Variants in TRMT11 observed in about 807,000 individuals in gnomAD.
TRMT11 encodes the protein tRNA methyltransferase 11, also known as tRNA (guanine(10)-N(2))-methyltransferase TRMT11.
Under a neutral mutation model 62.8 loss-of-function variants are expected in TRMT11, and 53 were observed. The ratio of observed to expected loss-of-function variants is 0.84; its 90% confidence interval spans 0.68 to 1.06. The LOEUF is 1.06. Ranked by LOEUF, TRMT11 falls within the 50% of genes least tolerant of loss-of-function variation. The probability of loss-of-function intolerance (pLI) is 0.00; values close to 1 mark genes in which losing one functional copy is unlikely to be tolerated. For synonymous variants in TRMT11, 188 were observed against 190.3 expected, an observed-to-expected ratio of 0.99 and a Z score of 0.10; for missense variants, 556 against 553.4, an observed-to-expected ratio of 1.00 and a Z score of -0.05.
the TRMT11 span, among the ~76,000 whole-genome samples, chr6:126,250,345 G>C: frequency 0.013 from 2,011 of 152,216 alleles, 18 homozygotes; most frequent in Non-Finnish European, 0.022. Context: ...ATGAATATAA[G>C]CTAATTTAAA....
intron 1 of TRMT11, among the ~76,000 whole-genome samples, chr6:126,179,244 T>C (rs753745929): frequency 1.2e-3 from 180 of 152,222 alleles, no homozygotes; most frequent in Non-Finnish European, 2.1e-3. Flanking sequence ...TTACTGCTTA[T>C]CTATTCACTC....
intron 21 of TRMT11, among the ~76,000 whole-genome samples, chr6:126,132,018 G>A (rs951970890): frequency 6.6e-6 from 1 of 152,018 alleles, no homozygotes; most frequent in African/African-American, 2.4e-5. Flanking sequence ...GGGAGAGAGT[G>A]CCAATGCATA....
chr6:126,106,061 G>T (rs992586815), intron 17 of TRMT11, among the ~76,000 whole-genome samples: 3 of 152,126 alleles, frequency 2.0e-5, no homozygotes, highest in Non-Finnish European at 2.9e-5. Context: ...CCATAATTGG[G>T]ATCTTGGTGT....
chr6:126,240,787 G>C, the TRMT11 span, among the ~76,000 whole-genome samples: 1 of 152,222 alleles, frequency 6.6e-6, no homozygotes, highest in Non-Finnish European at 1.5e-5. Flanking sequence ...CTTTTGTTTG[G>C]CTATGCCCTG....
intron 3 of TRMT11, among the ~76,000 whole-genome samples, chr6:125,996,572 C>A (rs1791553293): frequency 6.6e-6 from 1 of 152,024 alleles, no homozygotes; most frequent in African/African-American, 2.4e-5. Context: ...TCATTGGCAT[C>A]CACTTTTTTT....
At chr6:126,078,453 A>G (rs2128152687) in intron 17 of TRMT11, among the ~76,000 whole-genome samples, 2 of 141,882 alleles carry the variant, frequency 1.4e-5, no homozygotes, top group Middle Eastern at 7.2e-3. Flanking sequence ...TCCTGATTTC[A>G]TTTTGTTATT....
intron 17 of TRMT11, among the ~76,000 whole-genome samples, chr6:126,071,363 T>A (rs1036715213): frequency 1.3e-5 from 2 of 152,184 alleles, no homozygotes; most frequent in African/African-American, 4.8e-5. Flanking sequence ...TTTTTATTTT[T>A]TTTTTTTGTT....
chr6:126,246,252 A>G, the TRMT11 span, among the ~76,000 whole-genome samples: 3 of 152,194 alleles, frequency 2.0e-5, no homozygotes, highest in Non-Finnish European at 1.5e-5. Flanking sequence ...CTTATGGTTG[A>G]GCTCACACGA....
At chr6:126,239,307 G>A in the TRMT11 span, among the ~76,000 whole-genome samples, 2 of 152,132 alleles carry the variant, frequency 1.3e-5, no homozygotes, top group Non-Finnish European at 2.9e-5. Flanking sequence ...TAGCCTCGAT[G>A]GTCTTTACAA....
At chr6:126,148,702 AAAAG>A (rs1231842031) in intron 21 of TRMT11, among the ~76,000 whole-genome samples, 2 of 152,196 alleles carry the variant, frequency 1.3e-5, no homozygotes, top group Non-Finnish European at 2.9e-5. Context: ...AGTAAAAACT[AAAAG>A]AGAGTCATTT....
chr6:126,008,297 C>T, intron 7 of TRMT11, 95 bp from the exon 8 acceptor site: 1 of 1,026,960 alleles, frequency 9.7e-7, no homozygotes, highest in Non-Finnish European at 1.5e-6. Context: ...GATACTCTGC[C>T]TGCAGCTAGT....
Position 125,995,977 on chromosome 6 carries a change from G to C in TRMT11, c.149G>C (p.Trp50Ser), listed in dbSNP as rs1160663930. 6.2e-7 allele frequency: 1 copy of C among 1,606,828 alleles called. No individual in the cohort carries two copies. The highest frequency in any genetic ancestry group is 8.5e-7 in the Non-Finnish European group (1 of 1,173,692). The change falls in exon 3 of 13, where the codon TGG (tryptophan) becomes TCG (serine). Residue 50 changes from tryptophan to serine, a missense_variant. Coordinates refer to ENST00000334379, the MANE Select transcript of TRMT11 (RefSeq NM_001031712.3). ...SQETYGKSPF[W>S]ILSIPSEDIA... Reference sequence around the variant, plus strand: ...TGTTATTTCTTTTAGTCACCATTTTGGATTCTTAGCATTCCCTCTGAAGAT... The same window carrying C: ...TGTTATTTCTTTTAGTCACCATTTTCGATTCTTAGCATTCCCTCTGAAGAT...
chr6:126,056,176 C>G (rs1421166899), intron 17 of TRMT11, among the ~76,000 whole-genome samples: 3 of 152,166 alleles, frequency 2.0e-5, no homozygotes, highest in Admixed American at 6.5e-5. Flanking sequence ...TTAGCTATCT[C>G]TCTTGGAATG....
chr6:126,168,228 G>A (rs1778290456), intron 21 of TRMT11, among the ~76,000 whole-genome samples: 1 of 152,206 alleles, frequency 6.6e-6, no homozygotes, highest in African/African-American at 2.4e-5. Flanking sequence ...GAAAAGCTGT[G>A]TAGTCAGAAC....
chr6:126,243,467 T>C, the TRMT11 span, among the ~76,000 whole-genome samples: 2 of 152,204 alleles, frequency 1.3e-5, no homozygotes, highest in Non-Finnish European at 2.9e-5. Flanking sequence ...ATCATGCTGC[T>C]ATAAAGACAC....
At chr6:126,206,796 A>G (rs1474432832), downstream of TRMT11, among the ~76,000 whole-genome samples, 1 of 152,204 alleles carries the variant, frequency 6.6e-6, no homozygotes, top group Non-Finnish European at 1.5e-5. Flanking sequence ...TTTAAGGGAA[A>G]TTCACCTTAA....
intron 21 of TRMT11, among the ~76,000 whole-genome samples, chr6:126,151,680 CT>C (rs781133533): frequency 3.9e-5 from 6 of 151,964 alleles, no homozygotes; most frequent in Non-Finnish European, 5.9e-5. Flanking sequence ...ACTATCCCCA[CT>C]GTCTCCCACC....
At chr6:126,171,264 T>C (rs1778327383) in intron 21 of TRMT11, among the ~76,000 whole-genome samples, 1 of 151,740 alleles carries the variant, frequency 6.6e-6, no homozygotes, top group Non-Finnish European at 1.5e-5. Flanking sequence ...TTTTTTTTTC[T>C]CAAGACTGAT....
chr6:125,998,632 T>C lies in TRMT11; in HGVS notation c.470T>C (p.Leu157Ser). The C allele has an allele frequency of 6.2e-7, 1 of 1,613,512 alleles. No individual in the cohort carries two copies. Among genetic ancestry groups the C allele is most frequent in the Non-Finnish European group, 8.5e-7 (1 of 1,179,670 alleles). ...TTTTCTGTTTTGGAGGATTATGGTTTAGACCCAAACTGCATCCCTGAGAAT... is the reference window on the plus strand; with the variant it reads ...TTTTCTGTTTTGGAGGATTATGGTTCAGACCCAAACTGCATCCCTGAGAAT... ...HVFSVLEDYG[L>S]DPNCIPENPH... The change falls in exon 6 of 13, where the codon TTA (leucine) becomes TCA (serine). Residue 157 changes from leucine (L) to serine (S), a missense_variant. Coordinates refer to ENST00000334379, the MANE Select transcript of TRMT11 (RefSeq NM_001031712.3).
Sources: gnomAD v4.1 joint callset for allele counts (sites outside exome capture counted in the v4.1 genomes callset) on GRCh38, gnomAD v4.1.1 for gene constraint, MANE v1.5 for transcripts, NCBI Gene and HGNC (gene_info 2026-07-23, HGNC 2026-07-21) for gene names.